Variants in ALK observed in about 807,000 individuals in gnomAD.
ALK encodes the protein ALK tyrosine kinase receptor.
Under a neutral mutation model 163.1 loss-of-function variants are expected in ALK, and 74 were observed. That is an observed-to-expected ratio of 0.45 (90% CI 0.38 to 0.55). ALK has a LOEUF of 0.55. Among genes scored for constraint, ALK ranks in the 20% least tolerant of loss-of-function variants. The probability of loss-of-function intolerance (pLI) is 0.00; values close to 1 mark genes in which losing one functional copy is unlikely to be tolerated. For missense variants in ALK, 2,063 were observed against 2,105.3 expected, an observed-to-expected ratio of 0.98 and a Z score of 0.39; for synonymous variants, 960 against 843.2, an observed-to-expected ratio of 1.14 and a Z score of -2.40.
chr2:29,256,711 G>A (rs1260012617), intron 11 of ALK, among the ~76,000 whole-genome samples: 6 of 151,988 alleles, frequency 3.9e-5, no homozygotes, highest in Non-Finnish European at 8.8e-5. Flanking sequence ...AGGCCACTAT[G>A]AGGGGACAGG....
At chr2:29,560,799 T>A (rs966017418) in intron 3 of ALK, among the ~76,000 whole-genome samples, 2 of 152,138 alleles carry the variant, frequency 1.3e-5, no homozygotes, top group African/African-American at 4.8e-5. Context: ...CTCGAACTCC[T>A]GGACTCAAGT....
intron 1 of ALK, among the ~76,000 whole-genome samples, chr2:29,850,325 T>A (rs546643254): frequency 8.5e-5 from 13 of 152,252 alleles, no homozygotes; most frequent in Middle Eastern, 6.8e-3. Context: ...CGGGGGCACT[T>A]CCGGGTGCTG....
intron 8 of ALK, among the ~76,000 whole-genome samples, chr2:29,303,416 G>C (rs925911806): frequency 1.3e-5 from 2 of 152,272 alleles, no homozygotes. Context: ...AAAAGAGAAT[G>C]CTTACACACT....
intron 8 of ALK, among the ~76,000 whole-genome samples, chr2:29,300,849 C>G (rs917210719): frequency 1.3e-5 from 2 of 152,130 alleles, no homozygotes; most frequent in African/African-American, 4.8e-5. Context: ...GGGTGGAGAA[C>G]TAGAGAGGCC....
chr2:29,390,018 A>C (rs956233525), intron 4 of ALK, among the ~76,000 whole-genome samples: 2 of 152,232 alleles, frequency 1.3e-5, no homozygotes, highest in African/African-American at 4.8e-5. Context: ...AGCATTAATA[A>C]TATGACCAAC....
chr2:29,735,223 C>A (rs957505860), intron 1 of ALK, among the ~76,000 whole-genome samples: 3 of 151,682 alleles, frequency 2.0e-5, no homozygotes, highest in Non-Finnish European at 2.9e-5. Context: ...ATATACCATT[C>A]CCCTGTTTAG....
intron 1 of ALK, among the ~76,000 whole-genome samples, chr2:29,727,476 G>A (rs1184805210): frequency 6.6e-6 from 1 of 152,162 alleles, no homozygotes; most frequent in Non-Finnish European, 1.5e-5. Flanking sequence ...GTGTTACTGC[G>A]TGACCTTGGG....
At chr2:29,702,374 G>C (rs930367308) in intron 2 of ALK, among the ~76,000 whole-genome samples, 2 of 152,196 alleles carry the variant, frequency 1.3e-5, no homozygotes, top group Non-Finnish European at 2.9e-5. Context: ...GCAGGGCAAA[G>C]CTGGGGGCAG....
At chr2:29,827,070 C>T (rs2148383254) in intron 1 of ALK, among the ~76,000 whole-genome samples, 1 of 152,306 alleles carries the variant, frequency 6.6e-6, no homozygotes, top group East Asian at 1.9e-4. Context: ...AATCTGGTAG[C>T]TTTCAACCAA....
At chr2:29,456,922 T>C (rs559309290) in intron 4 of ALK, among the ~76,000 whole-genome samples, 1 of 152,198 alleles carries the variant, frequency 6.6e-6, no homozygotes, top group Admixed American at 6.5e-5. Flanking sequence ...TAGGGGAGAA[T>C]AACTGAAAAG....
intron 1 of ALK, among the ~76,000 whole-genome samples, chr2:29,830,071 G>A (rs942105968): frequency 6.6e-6 from 1 of 152,220 alleles, no homozygotes; most frequent in East Asian, 1.9e-4. Flanking sequence ...GAAGTTTAAC[G>A]TTGACTTGGC....
intron 1 of ALK, among the ~76,000 whole-genome samples, chr2:29,877,548 C>A (rs1316132925): frequency 6.6e-6 from 1 of 152,186 alleles, no homozygotes; most frequent in Non-Finnish European, 1.5e-5. Context: ...TAGACCATGC[C>A]TATCACATAG....
In ALK at chr2:29,447,019, T is replaced by C. The variant is rs563915056; in HGVS notation, c.1155-63160A>G. On this transcript the variant is annotated intron_variant, in intron 4 of 28. Transcript: ENST00000389048. ...CTTAAAACTGATGGTGCCAGGCACT[T>C]ACTCACTGGAAGAGGAGTAAGGAAC... 2.0e-5 allele frequency among the ~76,000 whole-genome samples: 3 copies of C among 152,354 alleles called. No homozygotes were observed. In the East Asian group the frequency reaches 5.8e-4, roughly 29 times the overall value.
chr2:29,266,267 G>A (rs1412642255), intron 11 of ALK, among the ~76,000 whole-genome samples: 1 of 152,108 alleles, frequency 6.6e-6, no homozygotes. Flanking sequence ...TAGGTTGGGG[G>A]AATTTACTGA....
At chr2:29,281,978 A>C (rs1430336792) in intron 9 of ALK, among the ~76,000 whole-genome samples, 1 of 152,234 alleles carries the variant, frequency 6.6e-6, no homozygotes, top group African/African-American at 2.4e-5. Context: ...TAAGTAGCTG[A>C]CAGAAAGGTT....
intron 3 of ALK, among the ~76,000 whole-genome samples, chr2:29,626,348 T>C (rs1427727424): frequency 2.6e-5 from 4 of 152,128 alleles, no homozygotes; most frequent in African/African-American, 9.7e-5. Context: ...GTTCTCGTGG[T>C]AGTGAATAAG....
intron 3 of ALK, among the ~76,000 whole-genome samples, chr2:29,616,929 G>T (rs1310788716): frequency 6.6e-6 from 1 of 152,084 alleles, no homozygotes; most frequent in Non-Finnish European, 1.5e-5. Flanking sequence ...CCTATGTGTT[G>T]GTCCATTGTG....
At chr2:29,208,231 A>G (rs1291892895) in intron 25 of ALK, among the ~76,000 whole-genome samples, 1 of 152,004 alleles carries the variant, frequency 6.6e-6, no homozygotes, top group Non-Finnish European at 1.5e-5. Flanking sequence ...AGCTTCACAG[A>G]AGGGCACTGA....
At chr2:29,528,659 G>A in intron 4 of ALK, among the ~76,000 whole-genome samples, 1 of 152,134 alleles carries the variant, frequency 6.6e-6, no homozygotes, top group Non-Finnish European at 1.5e-5. Flanking sequence ...ATGAATGTTT[G>A]AACCCAAAAG....
Sources: gnomAD v4.1 joint callset for allele counts (sites outside exome capture counted in the v4.1 genomes callset) on GRCh38, gnomAD v4.1.1 for gene constraint, MANE v1.5 for transcripts, NCBI Gene and HGNC (gene_info 2026-07-23, HGNC 2026-07-21) for gene names.